PAIP2B: variants seen among roughly 807,000 people sequenced by gnomAD.
PAIP2B encodes poly(A) binding protein interacting protein 2B.
In PAIP2B, 13 loss-of-function variants were observed where a neutral mutation model predicts 17.0. The observed-to-expected ratio is 0.76, with a 90% CI of 0.50 to 1.22. PAIP2B has a LOEUF of 1.22. PAIP2B is among the 50% of genes most tolerant of loss of function. The probability of loss-of-function intolerance (pLI) is 0.00; values close to 1 mark genes in which losing one functional copy is unlikely to be tolerated. For missense variants in PAIP2B, 117 were observed against 144.5 expected, an observed-to-expected ratio of 0.81 and a Z score of 0.98; for synonymous variants, 43 against 48.7, an observed-to-expected ratio of 0.88 and a Z score of 0.48.
chr2:71,198,957 G>A (rs960744075), intron 2 of PAIP2B, among the ~76,000 whole-genome samples: 1 of 151,854 alleles, frequency 6.6e-6, no homozygotes, highest in African/African-American at 2.4e-5. Flanking sequence ...GATGATCTTT[G>A]TTCCTATTCA....
In PAIP2B at chr2:71,184,187, T is replaced by A. The variant is rs182684363; in HGVS notation, c.*4292A>T. The A allele has an allele frequency of 2.0e-5, 3 of 152,188 alleles. No individual in the cohort carries two copies. The highest frequency in any genetic ancestry group is 7.2e-5 in the African/African-American group (3 of 41,442). The allele number at this position is 152,188 out of a possible 1,614,324, so 9.4% of individuals were successfully genotyped here. A position where few individuals can be genotyped will look rare whatever the true frequency, so the allele number is the denominator to read the frequency against. ...AAAAGTAGCCAATAGGAAGGTAAGA[T>A]TGGGGAGAAAGCTCAGTAAATGTCA... On this transcript the variant is annotated 3_prime_UTR_variant, in exon 4 of 4. Coordinates refer to ENST00000244221, the MANE Select transcript of PAIP2B (RefSeq NM_020459.1).
chr2:71,215,097 CA>C (rs1558781904), intron 1 of PAIP2B, among the ~76,000 whole-genome samples: 1 of 152,062 alleles, frequency 6.6e-6, no homozygotes, highest in African/African-American at 2.4e-5. Context: ...TTTAATGTTA[CA>C]AAAAATACTA....
chr2:71,184,848 T>C lies in PAIP2B; in HGVS notation c.*3631A>G, dbSNP rs1265551778. The C allele has an allele frequency of 2.1e-4, 11 of 52,406 alleles. No individual in the cohort carries two copies. The highest frequency in any genetic ancestry group is 7.7e-4 in the African/African-American group (8 of 10,342). 3.2% of individuals were successfully genotyped at this position (52,406 alleles called of 1,614,324 possible). ...CTAGGGACACTCAGTCCTTCCCAAT[T>C]ATGTGGACGTCTCCAAATCTTGGTC... On this transcript the variant is annotated 3_prime_UTR_variant, in exon 4 of 4. Transcript: ENST00000244221.
At chr2:71,204,417 TTTTG>T (rs1240957359) in intron 1 of PAIP2B, among the ~76,000 whole-genome samples, 9 of 152,292 alleles carry the variant, frequency 5.9e-5, no homozygotes, top group African/African-American at 2.2e-4. Context: ...TGTTTTTATT[TTTTG>T]TTTGTTTTGT....
intron 1 of PAIP2B, among the ~76,000 whole-genome samples, chr2:71,213,053 G>A (rs1404109588): frequency 2.6e-5 from 4 of 152,108 alleles, no homozygotes; most frequent in Non-Finnish European, 1.5e-5. Flanking sequence ...GCCTGGCCTG[G>A]GGAGCAGTGG....
Position 71,184,407 on chromosome 2 carries a change from A to G in PAIP2B, c.*4072T>C, listed in dbSNP as rs1674479004. On this transcript the variant is annotated 3_prime_UTR_variant, in exon 4 of 4. Transcript: ENST00000244221. ...GCCTCTAAAAACCAGACTGACTGGG[A>G]ACAGCAGTAGGGGGTTGGCCAGTGA... The G allele has an allele frequency of 6.6e-6, 1 of 152,236 alleles. No homozygotes were observed. Among genetic ancestry groups the G allele is most frequent in the African/African-American group, 2.4e-5 (1 of 41,448 alleles). 9.4% of individuals were successfully genotyped at this position (152,236 alleles called of 1,614,324 possible).
chr2:71,191,048 T>C (rs1201018957), intron 2 of PAIP2B, among the ~76,000 whole-genome samples: 1 of 152,208 alleles, frequency 6.6e-6, no homozygotes, highest in African/African-American at 2.4e-5. Context: ...CATTGTTAAC[T>C]CTTAGTATAG....
chr2:71,226,545 G>A (rs1281451179), intron 1 of PAIP2B, among the ~76,000 whole-genome samples: 6 of 152,180 alleles, frequency 3.9e-5, no homozygotes, highest in Admixed American at 6.5e-5. Context: ...TGCCGCGCGG[G>A]TCAATTTGCC....
At chr2:71,190,758 T>C (rs942788102) in intron 2 of PAIP2B, among the ~76,000 whole-genome samples, 2 of 152,214 alleles carry the variant, frequency 1.3e-5, no homozygotes, top group African/African-American at 4.8e-5. Flanking sequence ...TGCAAGTATA[T>C]AACTAGTTCA....
chr2:71,219,875 TTACTC>T (rs1482741662), intron 1 of PAIP2B, among the ~76,000 whole-genome samples: 8 of 152,346 alleles, frequency 5.3e-5, no homozygotes, highest in African/African-American at 1.9e-4. Context: ...ACGTATATTC[TTACTC>T]TACTCTTCTC....
intron 1 of PAIP2B, among the ~76,000 whole-genome samples, chr2:71,210,574 A>G: frequency 6.6e-6 from 1 of 152,266 alleles, no homozygotes; most frequent in Non-Finnish European, 1.5e-5. Context: ...ACCTGCAATT[A>G]TAAGTTAACA....
intron 1 of PAIP2B, among the ~76,000 whole-genome samples, chr2:71,220,416 A>G (rs1199612904): frequency 6.6e-6 from 1 of 152,248 alleles, no homozygotes; most frequent in East Asian, 1.9e-4. Flanking sequence ...TAGAAAGTAT[A>G]CAATAAACCC....
intron 2 of PAIP2B, among the ~76,000 whole-genome samples, chr2:71,196,917 G>C (rs1475432502): frequency 6.6e-6 from 1 of 152,182 alleles, no homozygotes; most frequent in African/African-American, 2.4e-5. Flanking sequence ...CATTATGTGT[G>C]AGATGGGTTT....
intron 1 of PAIP2B, among the ~76,000 whole-genome samples, chr2:71,207,491 T>G (rs771392812): frequency 6.6e-6 from 1 of 152,098 alleles, no homozygotes; most frequent in Non-Finnish European, 1.5e-5. Context: ...ATAGAAGCCA[T>G]TATAAGGAGT....
intron 1 of PAIP2B, among the ~76,000 whole-genome samples, chr2:71,211,805 G>C (rs1675309102): frequency 1.3e-5 from 2 of 152,030 alleles, no homozygotes; most frequent in African/African-American, 2.4e-5. Flanking sequence ...CATTCTACTG[G>C]AAACGTACAG....
At chr2:71,206,795 T>A (rs560620561) in intron 1 of PAIP2B, among the ~76,000 whole-genome samples, 48 of 152,354 alleles carry the variant, frequency 3.2e-4, no homozygotes, top group African/African-American at 1.2e-3. Context: ...CTGAATTACC[T>A]GGAAAAAGTC....
chr2:71,199,009 A>T (rs921191477), intron 2 of PAIP2B, among the ~76,000 whole-genome samples: 9 of 152,240 alleles, frequency 5.9e-5, no homozygotes, highest in African/African-American at 2.2e-4. Flanking sequence ...GATTTAGAAT[A>T]TTACATAATC....
rs1674517623 is a variant in PAIP2B at position 71,185,615 on chromosome 2, CTTTGGA to C, written c.*2858_*2863del. On this transcript the variant is annotated 3_prime_UTR_variant, in exon 4 of 4. Transcript: ENST00000244221. ...AAAAGAGGGACCCCAGCTGCTGTGA[CTTTGGA>C]AACTAAAGGTGTTAACAAAGGTCAA... The C allele has an allele frequency of 6.7e-6, 1 of 150,090 alleles. No homozygotes were observed. The highest frequency in any genetic ancestry group is 1.5e-5 in the Non-Finnish European group (1 of 67,562). The allele number at this position is 150,090 out of a possible 1,614,324, so 9.3% of individuals were successfully genotyped here. A position where few individuals can be genotyped will look rare whatever the true frequency, so the allele number is the denominator to read the frequency against.
intron 1 of PAIP2B, among the ~76,000 whole-genome samples, chr2:71,208,268 A>C (rs1390714929): frequency 3.9e-5 from 6 of 152,166 alleles, no homozygotes; most frequent in Non-Finnish European, 2.9e-5. Flanking sequence ...TACTAAAAAT[A>C]CAAAAATTAG....
Sources: allele counts gnomAD v4.1 joint callset (sites outside exome capture counted in the v4.1 genomes callset), GRCh38; gene constraint gnomAD v4.1.1; transcripts MANE v1.5; gene names NCBI Gene and HGNC (gene_info 2026-07-23, HGNC 2026-07-21).